The following SCN8A variants were observed in gnomAD, a reference collection of about 807,000 sequenced individuals.
SCN8A encodes sodium channel protein type 8 subunit alpha.
In SCN8A, 30 loss-of-function variants were observed where a neutral mutation model predicts 184.1. That is an observed-to-expected ratio of 0.16 (90% confidence interval 0.12 to 0.22). The LOEUF is 0.22. Among genes scored for constraint, SCN8A ranks in the 10% least tolerant of loss-of-function variants. The pLI is 1.00. For missense variants in SCN8A, 1,057 were observed against 2,498.9 expected (o/e 0.42, Z 12.30); for synonymous variants, 852 against 907.0 (o/e 0.94, Z 1.09).
At chr12:51,650,311 C>G (rs1940680506) in intron 1 of SCN8A, among the ~76,000 whole-genome samples, 1 of 152,178 alleles carries the variant, frequency 6.6e-6, no homozygotes, top group South Asian at 2.1e-4. Flanking sequence ...TTATCAAATT[C>G]CAAAGTTGCT....
intron 1 of SCN8A, among the ~76,000 whole-genome samples, chr12:51,607,752 C>CA (rs1939627442): frequency 6.6e-6 from 1 of 152,078 alleles, no homozygotes; most frequent in Non-Finnish European, 1.5e-5. Context: ...TATGTTAAGC[C>CA]ATCCCTGCAT....
rs58356368 is a variant in SCN8A, at chr12:51,721,081, TTATATA to T, written c.1636-444_1636-439del. Among the ~76,000 whole-genome samples the T allele has an allele frequency of 3.9e-3, 339 of 86,796 alleles. 5 individuals are homozygous for T. The highest frequency in any genetic ancestry group is 0.015 in the African/African-American group (318 of 21,488). The allele number at this position is 86,796 out of a possible 152,430, so 56.9% of individuals were successfully genotyped here. On this transcript the variant is annotated intron_variant, in intron 11 of 26. Transcript: ENST00000627620. ...AAACTCCATCTCAAAAAAAAAAAAA[TTATATA>T]TATATATATATATATATATAATATT...
chr12:51,620,753 C>T (rs1467413171), intron 1 of SCN8A, among the ~76,000 whole-genome samples: 1 of 151,314 alleles, frequency 6.6e-6, no homozygotes, highest in Non-Finnish European at 1.5e-5. Flanking sequence ...TTTGGAGGGC[C>T]GAAGCAAGAG....
chr12:51,704,619 G>T (rs886724237), intron 9 of SCN8A, among the ~76,000 whole-genome samples: 2 of 136,060 alleles, frequency 1.5e-5, no homozygotes, highest in African/African-American at 5.5e-5. Flanking sequence ...GCAGTGAGCT[G>T]AGATGATGGC....
chr12:51,770,169 A>C (rs1942902921), intron 18 of SCN8A, 184 bp downstream of exon 18: 1 of 597,390 alleles, frequency 1.7e-6, no homozygotes, highest in African/African-American at 1.9e-5. Context: ...AGTATATAAC[A>C]AGTTTCTATT....
chr12:51,776,472 A>G (rs867328961), intron 20 of SCN8A, among the ~76,000 whole-genome samples: 15 of 152,324 alleles, frequency 9.8e-5, no homozygotes, highest in South Asian at 2.1e-4. Context: ...GTTGAATGCC[A>G]TTATCTGTGT....
chr12:51,788,915 G>A (rs1205621656), intron 23 of SCN8A, among the ~76,000 whole-genome samples, 167 bp downstream of exon 23: 2 of 151,910 alleles, frequency 1.3e-5, no homozygotes, highest in South Asian at 2.1e-4. Flanking sequence ...CATTTTCCTC[G>A]TCTCAGTAAG....
intron 12 of SCN8A, among the ~76,000 whole-genome samples, chr12:51,733,358 AT>A (rs1277981650): frequency 3.9e-5 from 6 of 152,192 alleles, no homozygotes; most frequent in Admixed American, 1.3e-4. Context: ...TATCACACTG[AT>A]TGATTTGCAT....
intron 20 of SCN8A, among the ~76,000 whole-genome samples, chr12:51,775,684 G>A (rs1482987769): frequency 6.6e-6 from 1 of 152,206 alleles, no homozygotes; most frequent in Non-Finnish European, 1.5e-5. Flanking sequence ...GACCCAGAGA[G>A]CCAAAGTGAG....
chr12:51,633,897 C>G (rs988169522), intron 1 of SCN8A, among the ~76,000 whole-genome samples: 1 of 152,170 alleles, frequency 6.6e-6, no homozygotes, highest in South Asian at 2.1e-4. Flanking sequence ...AAGAAGAAAT[C>G]TTTTAAGGTC....
chr12:51,768,580 T>C (rs945107041), intron 16 of SCN8A, among the ~76,000 whole-genome samples: 8 of 152,176 alleles, frequency 5.3e-5, no homozygotes, highest in Non-Finnish European at 1.0e-4. Flanking sequence ...ACAGCCTTTG[T>C]TTTTTCTGAT....
At chr12:51,728,907 C>T (rs560298027) in intron 12 of SCN8A, among the ~76,000 whole-genome samples, 1 of 152,098 alleles carries the variant, frequency 6.6e-6, no homozygotes, top group Non-Finnish European at 1.5e-5. Context: ...TACAGCTTCC[C>T]CATGCCAACA....
At chr12:51,650,773 G>A (rs1164168312) in intron 1 of SCN8A, among the ~76,000 whole-genome samples, 1 of 152,118 alleles carries the variant, frequency 6.6e-6, no homozygotes, top group Admixed American at 6.5e-5. Context: ...CAGCTCGGTC[G>A]GGGAGACCCT....
chr12:51,721,055 G>A lies in SCN8A; in HGVS notation c.1636-491G>A, dbSNP rs538020182. ...ACACTCCAGCCTGGGCCACAAGAGCGAAACTCCATCTCAAAAAAAAAAAAA... is the reference window on the plus strand; with the variant it reads ...ACACTCCAGCCTGGGCCACAAGAGCAAAACTCCATCTCAAAAAAAAAAAAA... On this transcript the variant is annotated intron_variant, in intron 11 of 26. Coordinates refer to ENST00000627620, the MANE Select transcript of SCN8A (RefSeq NM_001330260.2). 4.3e-3 allele frequency among the ~76,000 whole-genome samples: 493 copies of A among 115,960 alleles called. 5 individuals are homozygous for A. The highest frequency in any genetic ancestry group is 0.019 in the African/African-American group (473 of 25,560). The allele number at this position is 115,960 out of a possible 152,430, so 76.1% of individuals were successfully genotyped here. A position where few individuals can be genotyped will look rare whatever the true frequency, so the allele number is the denominator to read the frequency against.
At chr12:51,652,378 A>T (rs1940735208) in intron 1 of SCN8A, among the ~76,000 whole-genome samples, 1 of 151,946 alleles carries the variant, frequency 6.6e-6, no homozygotes, top group African/African-American at 2.4e-5. Context: ...CCTCACTCTG[A>T]TCTTATTCCT....
rs549856980 is a variant in SCN8A at position 51,777,586 on chromosome 12, C to T, written c.3820-3063C>T. Among the ~76,000 whole-genome samples, 19 of 152,318 alleles carry T rather than the reference C, an allele frequency of 1.2e-4. No individual in the cohort carries two copies. In the South Asian group the frequency reaches 3.9e-3, roughly 32 times the overall value. On this transcript the variant is annotated intron_variant, in intron 20 of 26. Transcript: ENST00000627620. ...AGGATTATAAGAGAGCCCTCAACTA[C>T]TAAAGAATAACCCAGATAAGACCCT...
rs150071410 is a variant in SCN8A at position 51,755,277 on chromosome 12, G to A, written c.2370+3684G>A. Among the ~76,000 whole-genome samples the A allele has an allele frequency of 8.5e-4, 129 of 152,270 alleles. 1 individual carries two copies. The highest frequency in any genetic ancestry group is 3.1e-3 in the Admixed American group (48 of 15,290). On this transcript the variant is annotated intron_variant, in intron 14 of 26. Transcript: ENST00000627620. Reference sequence around the variant, plus strand: ...TTGATTTCTTCCTTTATTTATATCAGTATGGATTAATGGTTTTCTATTTTA... The same window carrying A: ...TTGATTTCTTCCTTTATTTATATCAATATGGATTAATGGTTTTCTATTTTA...
chr12:51,642,797 TC>T (rs1940484679), intron 1 of SCN8A, among the ~76,000 whole-genome samples: 2 of 151,516 alleles, frequency 1.3e-5, no homozygotes, highest in Admixed American at 1.3e-4. Flanking sequence ...GGGTAACCCA[TC>T]TTCTCTTCCC....
chr12:51,616,988 T>C (rs1258708007), intron 1 of SCN8A, among the ~76,000 whole-genome samples: 4 of 152,204 alleles, frequency 2.6e-5, no homozygotes, highest in Non-Finnish European at 5.9e-5. Flanking sequence ...ATTCAAATTA[T>C]TGTTTCCCTA....
Sources: allele counts gnomAD v4.1 joint callset (sites outside exome capture counted in the v4.1 genomes callset), GRCh38; gene constraint gnomAD v4.1.1; transcripts MANE v1.5; gene names NCBI Gene and HGNC (gene_info 2026-07-23, HGNC 2026-07-21).